Variants in CNIH4 observed in about 807,000 individuals in gnomAD.
CNIH4 encodes the protein protein cornichon homolog 4.
CNIH4 carries 9 observed loss-of-function variants against 21.5 expected under a neutral mutation model. The ratio of observed to expected loss-of-function variants is 0.42; its 90% CI spans 0.25 to 0.73. CNIH4 has a LOEUF of 0.73. Ranked by LOEUF, CNIH4 falls within the 30% of genes least tolerant of loss-of-function variation. CNIH4 has a pLI of 0.27. For synonymous variants in CNIH4, 67 were observed against 59.1 expected (o/e 1.13, Z -0.61); for missense variants, 159 against 170.0 (o/e 0.94, Z 0.36).
rs1367568585 is a variant in CNIH4, at chr1:224,377,108, C to T, written c.*1286C>T. The T allele has an allele frequency of 6.0e-6, 1 of 167,462 alleles. No individual in the cohort carries two copies. Among genetic ancestry groups the T allele is most frequent in the African/African-American group, 2.4e-5 (1 of 41,732 alleles). The allele number at this position is 167,462 out of a possible 1,614,324, so 10.4% of individuals were successfully genotyped here. A position where few individuals can be genotyped will look rare whatever the true frequency, so the allele number is the denominator to read the frequency against. ...CAAGGGAGCCACTAAGCCAAACTCC[C>T]TGTGCAGACAGACCATGTTTCAAGG... On this transcript the variant is annotated 3_prime_UTR_variant, in exon 5 of 5. Coordinates refer to ENST00000465271, the MANE Select transcript of CNIH4 (RefSeq NM_014184.4).
chr1:224,371,835 G>A lies in CNIH4; in HGVS notation c.392+412G>A, dbSNP rs556946264. 3.9e-5 allele frequency among the ~76,000 whole-genome samples: 6 copies of A among 152,310 alleles called. No individual in the cohort carries two copies. In the South Asian group the frequency reaches 1.2e-3, roughly 32 times the overall value. Reference sequence around the variant, plus strand: ...CACATGCCTGTAATCCCAGCTACTTGGGAGGCTGAGGCAGGAGAATCACTT... The same window carrying A: ...CACATGCCTGTAATCCCAGCTACTTAGGAGGCTGAGGCAGGAGAATCACTT... On this transcript the variant is annotated intron_variant, in intron 4 of 4. Transcript: ENST00000465271.
At position 224,356,920 on chromosome 1, in the gene CNIH4, G is replaced by A; in HGVS notation, c.-5G>A. The A allele has an allele frequency of 1.2e-6, 2 of 1,607,276 alleles. No homozygotes were observed. The highest frequency in any genetic ancestry group is 1.7e-6 in the Non-Finnish European group (2 of 1,176,736). ...CGGAAGGAGCGGCGGCGACGGAGGA[G>A]GAGGATGGAGGCGGTGGTGTTCGTC... On this transcript the variant is annotated 5_prime_UTR_variant, in exon 1 of 5. Transcript: ENST00000465271.
At chr1:224,367,689 C>T (rs763467149) in intron 3 of CNIH4, among the ~76,000 whole-genome samples, 6 of 152,086 alleles carry the variant, frequency 3.9e-5, no homozygotes, top group Admixed American at 1.3e-4. Context: ...TGCACACCAC[C>T]GCACCTGGCC....
At chr1:224,362,144 G>A (rs964743073) in intron 2 of CNIH4, among the ~76,000 whole-genome samples, 3 of 150,668 alleles carry the variant, frequency 2.0e-5, no homozygotes, top group Non-Finnish European at 2.9e-5. Context: ...GCAGTGGTGC[G>A]ATCTTGGCTC....
chr1:224,356,982 T>C lies in CNIH4; in HGVS notation c.58T>C (p.Ser20Pro). 6.2e-7 allele frequency: 1 copy of C among 1,611,796 alleles called. No individual in the cohort carries two copies. The highest frequency in any genetic ancestry group is 8.5e-7 in the Non-Finnish European group (1 of 1,179,086). The change falls in exon 1 of 5, where the codon TCG becomes CCG. Residue 20 changes from serine to proline, a missense_variant. Transcript: ENST00000465271. ...CGATTGTTGCGCGCTCATCTTCCTC[T>C]CGGTCTACTTCGTATCCTTGCCTGA... is the stretch of plus-strand genomic sequence containing the variant. ...LLDCCALIFL[S>P]VYFIITLSDL...
intron 3 of CNIH4, among the ~76,000 whole-genome samples, chr1:224,368,263 C>T (rs903120417): frequency 2.0e-5 from 3 of 152,082 alleles, no homozygotes; most frequent in Admixed American, 1.3e-4. Flanking sequence ...ATCTGGGAGG[C>T]GGAGGTTGCA....
rs1217948809 is a variant in CNIH4 at position 224,375,859 on chromosome 1, C to T, written c.*37C>T. Reference sequence around the variant, plus strand: ...CCGTGGTTGAAGTCAGCCTACACTACAGTGCACAGTTGAGGAGCCAGAGAC... The same window carrying T: ...CCGTGGTTGAAGTCAGCCTACACTATAGTGCACAGTTGAGGAGCCAGAGAC... On this transcript the variant is annotated 3_prime_UTR_variant, in exon 5 of 5. Coordinates refer to ENST00000465271, the MANE Select transcript of CNIH4 (RefSeq NM_014184.4). The T allele has an allele frequency of 1.2e-6, 2 of 1,612,950 alleles. No homozygotes were observed. The highest frequency in any genetic ancestry group is 1.7e-5 in the Admixed American group (1 of 59,934).
intron 2 of CNIH4, among the ~76,000 whole-genome samples, chr1:224,362,217 A>G (rs998662225): frequency 2.6e-5 from 4 of 151,556 alleles, no homozygotes; most frequent in Non-Finnish European, 5.9e-5. Flanking sequence ...AGTAACTGGG[A>G]CTACAGGCGC....
Position 224,365,982 on chromosome 1 carries a change from A to G in CNIH4, c.242A>G (p.Asn81Ser). 6.3e-7 allele frequency: 1 copy of G among 1,578,276 alleles called. No homozygotes were observed. Among genetic ancestry groups the G allele is most frequent in the Non-Finnish European group, 8.7e-7 (1 of 1,147,226 alleles). The change falls in exon 3 of 5, where the codon AAT (asparagine) becomes AGT (serine). Residue 81 changes from asparagine to serine, a missense_variant. Asn to Ser is a conservative substitution (Grantham distance 46). Transcript: ENST00000465271. ...CTCAACTTACCTGTTGCCACTTGGA[A>G]TATATATCGGTGAGTATAGTTTGTT... Reference protein sequence around the residue: ...FLLNLPVATWNIYRYIMVPSG... With the variant: ...FLLNLPVATWSIYRYIMVPSG...
chr1:224,363,851 A>G (rs1323126745), intron 2 of CNIH4, among the ~76,000 whole-genome samples: 1 of 152,066 alleles, frequency 6.6e-6, no homozygotes, highest in Non-Finnish European at 1.5e-5. Flanking sequence ...CTGTAGGGTA[A>G]TTGTTATCTA....
chr1:224,368,308 GA>G (rs1261678153), intron 3 of CNIH4, among the ~76,000 whole-genome samples: 54 of 152,294 alleles, frequency 3.5e-4, no homozygotes. Flanking sequence ...CTCCAGCCGG[GA>G]AACAGAGCGA....
intron 3 of CNIH4, among the ~76,000 whole-genome samples, chr1:224,367,435 T>C (rs945991476): frequency 6.6e-6 from 1 of 152,134 alleles, no homozygotes; most frequent in Non-Finnish European, 1.5e-5. Flanking sequence ...CTTTAAAATA[T>C]CTGTGTCTCT....
At chr1:224,363,285 C>T (rs1210314751) in intron 2 of CNIH4, among the ~76,000 whole-genome samples, 3 of 152,148 alleles carry the variant, frequency 2.0e-5, no homozygotes, top group Non-Finnish European at 4.4e-5. Context: ...ATCAGGTGAT[C>T]TGCTCTCCTC....
chr1:224,378,989 C>A lies in CNIH4; in HGVS notation c.*3167C>A. ...ATAATGGCAGTACCCAGGGCCCGGTCCATAGACTACTATCGAGTGCTCCTA... is the reference window on the plus strand; with the variant it reads ...ATAATGGCAGTACCCAGGGCCCGGTACATAGACTACTATCGAGTGCTCCTA... On this transcript the variant is annotated 3_prime_UTR_variant, in exon 5 of 5. Transcript: ENST00000465271. 7.1e-7 allele frequency: 1 copy of A among 1,402,868 alleles called. No individual in the cohort carries two copies. The allele number at this position is 1,402,868 out of a possible 1,614,324, so 86.9% of individuals were successfully genotyped here.
In CNIH4 at chr1:224,379,270, A is replaced by G. The variant is rs1572139689; in HGVS notation, c.*3448A>G. 5 of 623,778 alleles carry G rather than the reference A, an allele frequency of 8.0e-6. No homozygotes were observed. The East Asian group carries it at 1.4e-4, about 17-fold the overall frequency. 38.6% of individuals were successfully genotyped at this position (623,778 alleles called of 1,614,324 possible). ...AAAGCTTCCTATAGTAGTATCTCCC[A>G]TGGCACTTACCACATTCTATCTGGT... On this transcript the variant is annotated 3_prime_UTR_variant, in exon 5 of 5. Transcript: ENST00000465271.
rs934130337 is a variant in CNIH4, at chr1:224,378,004, G to T, written c.*2182G>T. On this transcript the variant is annotated 3_prime_UTR_variant, in exon 5 of 5. Coordinates refer to ENST00000465271, the MANE Select transcript of CNIH4 (RefSeq NM_014184.4). ...TTAAAAACAAAAACTCTTCCTTCTT[G>T]TATTGCTTGTCTATCAAAGCCAGGA... 1 of 151,928 alleles carries T rather than the reference G, an allele frequency of 6.6e-6. No individual in the cohort carries two copies. The allele number at this position is 151,928 out of a possible 1,614,324, so 9.4% of individuals were successfully genotyped here.
Position 224,377,710 on chromosome 1 carries a change from C to T in CNIH4, c.*1888C>T, listed in dbSNP as rs1056637473. The T allele has an allele frequency of 3.9e-5, 6 of 152,294 alleles. No individual in the cohort carries two copies. The highest frequency in any genetic ancestry group is 1.4e-4 in the African/African-American group (6 of 41,446). The allele number at this position is 152,294 out of a possible 1,614,324, so 9.4% of individuals were successfully genotyped here. A position where few individuals can be genotyped will look rare whatever the true frequency, so the allele number is the denominator to read the frequency against. ...GGCCAGGCTGGTCTCAAACTCCTGA[C>T]CTCAAACGATCTGCCTGCCTTGGTC... On this transcript the variant is annotated 3_prime_UTR_variant, in exon 5 of 5. Coordinates refer to ENST00000465271, the MANE Select transcript of CNIH4 (RefSeq NM_014184.4).
intron 2 of CNIH4, among the ~76,000 whole-genome samples, chr1:224,362,399 C>CTT (rs1491012439): frequency 1.5e-5 from 2 of 133,160 alleles, no homozygotes; most frequent in African/African-American, 2.7e-5. Flanking sequence ...CTCTCTCTCT[C>CTT]TTTCTCTCTT....
At chr1:224,375,701 T>G in intron 4 of CNIH4, 94 bp from the exon 5 acceptor site, 3 of 1,361,620 alleles carry the variant, frequency 2.2e-6, no homozygotes, top group Non-Finnish European at 3.1e-6. Flanking sequence ...TGATTGTTCC[T>G]TTGTGAACCT....
Sources: allele counts gnomAD v4.1 joint callset (sites outside exome capture counted in the v4.1 genomes callset), GRCh38; gene constraint gnomAD v4.1.1; transcripts MANE v1.5; gene names NCBI Gene and HGNC (gene_info 2026-07-23, HGNC 2026-07-21).